Variants in BNC2 observed in about 807,000 individuals in gnomAD.
BNC2 encodes basonuclin zinc finger protein 2.
A neutral mutation model predicts 76.3 loss-of-function variants in BNC2; 20 were observed. The ratio of observed to expected loss-of-function variants is 0.26; its 90% CI spans 0.18 to 0.38. The LOEUF (loss-of-function observed/expected upper bound fraction) is 0.38. Ranked by LOEUF, BNC2 falls within the 10% of genes least tolerant of loss-of-function variation. The pLI is 1.00. For synonymous variants in BNC2, 582 were observed against 514.8 expected (o/e 1.13, Z -1.77); for missense variants, 1,382 against 1,399.8 (o/e 0.99, Z 0.20).
At chr9:16,611,908 C>G (rs12340628) in intron 3 of BNC2, among the ~76,000 whole-genome samples, 2 of 152,034 alleles carry the variant, frequency 1.3e-5, no homozygotes, top group African/African-American at 4.8e-5. Context: ...CGAGGAAGAA[C>G]AAATATTCCT....
chr9:16,736,428 A>G (rs1482461521), intron 2 of BNC2, among the ~76,000 whole-genome samples: 6 of 45,438 alleles, frequency 1.3e-4, no homozygotes, highest in Non-Finnish European at 2.8e-4. Context: ...AAAAATTTTT[A>G]TAGAAACAGA....
At chr9:16,821,619 G>C (rs1423418061) in intron 1 of BNC2, among the ~76,000 whole-genome samples, 1 of 152,156 alleles carries the variant, frequency 6.6e-6, no homozygotes, top group East Asian at 1.9e-4. Flanking sequence ...CTAAACTGTA[G>C]AAGTTGCAAG....
chr9:16,813,984 GA>G (rs770736564), intron 1 of BNC2, among the ~76,000 whole-genome samples: 1 of 152,138 alleles, frequency 6.6e-6, no homozygotes, highest in Non-Finnish European at 1.5e-5. Context: ...AACCTCCCCA[GA>G]CACGGTGTAC....
At chr9:16,809,599 A>T (rs1486970262) in intron 1 of BNC2, among the ~76,000 whole-genome samples, 1 of 152,058 alleles carries the variant, frequency 6.6e-6, no homozygotes, top group Non-Finnish European at 1.5e-5. Context: ...CTCCTGAACC[A>T]AGACCGAATG....
chr9:16,500,298 G>C (rs914468263), intron 5 of BNC2, among the ~76,000 whole-genome samples: 1 of 151,854 alleles, frequency 6.6e-6, no homozygotes, highest in African/African-American at 2.4e-5. Flanking sequence ...CCAAACCCTG[G>C]GCATTTAATG....
chr9:16,598,503 G>C (rs1820155622), intron 3 of BNC2, among the ~76,000 whole-genome samples: 2 of 152,114 alleles, frequency 1.3e-5, no homozygotes, highest in African/African-American at 4.8e-5. Flanking sequence ...ACATAAGAGA[G>C]ACAAAAGATA....
At chr9:16,446,775 A>C (rs1195320614) in intron 5 of BNC2, among the ~76,000 whole-genome samples, 1 of 136,484 alleles carries the variant, frequency 7.3e-6, no homozygotes, top group Non-Finnish European at 1.6e-5. Context: ...TATTTTAAAA[A>C]CAGTGATTAT....
Position 16,419,573 on chromosome 9 carries a change from G to GCC in BNC2, c.2715_2716insGG (p.Pro906GlyfsTer14). ...TCGCGGAGGTCCTTGCTAAGGGAGG[G>GCC]CTGCGACGAGTCCAGGCCCATGTCA... On this transcript the variant is annotated frameshift_variant, in exon 7 of 7. Transcript: ENST00000380672. LOFTEE classifies it high-confidence loss of function. The GCC allele has an allele frequency of 6.2e-7, 1 of 1,611,720 alleles. No homozygotes were observed. The highest frequency in any genetic ancestry group is 8.5e-7 in the Non-Finnish European group (1 of 1,178,914).
At chr9:16,809,224 C>A (rs541110921) in intron 1 of BNC2, among the ~76,000 whole-genome samples, 1 of 152,210 alleles carries the variant, frequency 6.6e-6, no homozygotes, top group East Asian at 1.9e-4. Flanking sequence ...GAACTGTTGA[C>A]AATGAGATAA....
chr9:16,650,106 A>G (rs569825747), intron 3 of BNC2, among the ~76,000 whole-genome samples: 1 of 152,342 alleles, frequency 6.6e-6, no homozygotes, highest in East Asian at 1.9e-4. Flanking sequence ...ATAAATGCAC[A>G]GTTGGTTTCA....
At chr9:16,491,545 T>G (rs939037753) in intron 5 of BNC2, among the ~76,000 whole-genome samples, 1 of 152,154 alleles carries the variant, frequency 6.6e-6, no homozygotes, top group African/African-American at 2.4e-5. Context: ...CCTTGATAGC[T>G]GGGGAAATGG....
chr9:16,810,874 T>C (rs2135844238), intron 1 of BNC2, among the ~76,000 whole-genome samples: 1 of 152,270 alleles, frequency 6.6e-6, no homozygotes, highest in East Asian at 1.9e-4. Context: ...CTCTGAGCTG[T>C]CATATGAAAT....
chr9:16,717,123 T>A (rs1023518769), intron 3 of BNC2, among the ~76,000 whole-genome samples: 1 of 152,216 alleles, frequency 6.6e-6, no homozygotes, highest in African/African-American at 2.4e-5. Context: ...ATGTGAGCAA[T>A]TAGAAATAGA....
chr9:16,426,757 A>C (rs958027769), intron 6 of BNC2, among the ~76,000 whole-genome samples: 7 of 151,342 alleles, frequency 4.6e-5, no homozygotes, highest in Non-Finnish European at 5.9e-5. Flanking sequence ...GAAACGGATG[A>C]TTTTTGTGAA....
chr9:16,524,545 TA>T (rs1479601684), intron 5 of BNC2, among the ~76,000 whole-genome samples: 1 of 152,104 alleles, frequency 6.6e-6, no homozygotes, highest in East Asian at 1.9e-4. Flanking sequence ...GGATTATACC[TA>T]AAAATATTAG....
chr9:16,586,337 A>C (rs1819770463), intron 3 of BNC2, among the ~76,000 whole-genome samples: 1 of 152,136 alleles, frequency 6.6e-6, no homozygotes, highest in South Asian at 2.1e-4. Context: ...TTTACCATTG[A>C]CTTCTTGAAA....
intron 3 of BNC2, among the ~76,000 whole-genome samples, chr9:16,718,016 G>C (rs1824039058): frequency 6.6e-6 from 1 of 152,176 alleles, no homozygotes; most frequent in Non-Finnish European, 1.5e-5. Context: ...CTGGTCATGA[G>C]AAAACCTGGA....
chr9:16,844,162 C>CA (rs57509400), intron 1 of BNC2, among the ~76,000 whole-genome samples: 1,866 of 147,882 alleles, frequency 0.013, 42 homozygotes, highest in East Asian at 0.071. Flanking sequence ...TTTTACGTTA[C>CA]AAAAAAAAAT....
chr9:16,696,757 C>T (rs1168622653), intron 3 of BNC2, among the ~76,000 whole-genome samples: 4 of 152,114 alleles, frequency 2.6e-5, no homozygotes, highest in Admixed American at 1.3e-4. Context: ...TTAACTATTT[C>T]ATTATTCCAG....
Sources: gnomAD v4.1 joint callset for allele counts (sites outside exome capture counted in the v4.1 genomes callset) on GRCh38, gnomAD v4.1.1 for gene constraint, MANE v1.5 for transcripts, NCBI Gene and HGNC (gene_info 2026-07-23, HGNC 2026-07-21) for gene names.